MTRR: variants seen among roughly 807,000 people sequenced by gnomAD.
MTRR encodes the protein methionine synthase reductase.
A neutral mutation model predicts 79.2 loss-of-function variants in MTRR; 63 were observed. The observed-to-expected ratio is 0.80, with a 90% CI of 0.65 to 0.98. MTRR has a LOEUF of 0.98. Among genes scored for constraint, MTRR ranks in the 50% least tolerant of loss-of-function variants. The pLI, the probability that MTRR is intolerant of heterozygous loss-of-function variation, is 0.00. For synonymous variants in MTRR, 355 were observed against 313.3 expected, an observed-to-expected ratio of 1.13 and a Z score of -1.41; for missense variants, 895 against 839.6, an observed-to-expected ratio of 1.07 and a Z score of -0.82.
chr5:7,858,007 C>T (rs188418653), intron 1 of MTRR, among the ~76,000 whole-genome samples: 2 of 152,318 alleles, frequency 1.3e-5, no homozygotes, highest in East Asian at 1.9e-4. Flanking sequence ...ATTACCTCTT[C>T]GTGTGGCTGT....
At chr5:7,854,287 T>C (rs1285308260) in intron 1 of MTRR, among the ~76,000 whole-genome samples, 1 of 151,884 alleles carries the variant, frequency 6.6e-6, no homozygotes, top group Non-Finnish European at 1.5e-5. Flanking sequence ...TTAAACATAG[T>C]GTATTAGTGA....
intron 8 of MTRR, among the ~76,000 whole-genome samples, chr5:7,887,115 C>T (rs905692236): frequency 6.6e-6 from 1 of 152,090 alleles, no homozygotes; most frequent in Non-Finnish European, 1.5e-5. Flanking sequence ...GTAGGATTCC[C>T]CCCAACCACC....
rs185473698 is a variant in MTRR at position 7,874,092 on chromosome 5, A to G, written c.283+566A>G. Reference sequence around the variant, plus strand: ...TTTTTAAAAGCTCCCAGGTGATTCTAACATATGTATCCCAGGTTAAGAAAA... The same window carrying G: ...TTTTTAAAAGCTCCCAGGTGATTCTGACATATGTATCCCAGGTTAAGAAAA... On this transcript the variant is annotated intron_variant, in intron 3 of 14. Transcript: ENST00000440940. Among the ~76,000 whole-genome samples, 27 of 152,310 alleles carry G rather than the reference A, an allele frequency of 1.8e-4. 1 individual carries two copies. The highest frequency in any genetic ancestry group is 5.8e-4 in the African/African-American group (24 of 41,562).
At chr5:7,869,900 T>G (rs1239809492) in intron 1 of MTRR, 4 of 214,718 alleles carry the variant, frequency 1.9e-5, no homozygotes, top group Non-Finnish European at 3.2e-5. Context: ...ATTCACTCAT[T>G]CAGATAACTT....
rs1738399141 is a variant in MTRR, at chr5:7,895,754, A to G, written c.1578A>G (p.Thr526=). Reference sequence around the variant, plus strand: ...TTCAGATATCCATCTCTCCTCGAACAACAAATTCTTTCCACTTACCAGATG... The same window carrying G: ...TTCAGATATCCATCTCTCCTCGAACGACAAATTCTTTCCACTTACCAGATG... ...LAPKISISPR[T]TNSFHLPDDP... Residue 526 remains threonine, a synonymous_variant, in exon 12 of 15, where the codon ACA becomes ACG. Transcript: ENST00000440940. 6.2e-7 allele frequency: 1 copy of G among 1,614,090 alleles called. No homozygotes were observed.
At chr5:7,883,380 T>G in intron 6 of MTRR, 103 bp downstream of exon 6, 1 of 1,478,936 alleles carries the variant, frequency 6.8e-7, no homozygotes, top group South Asian at 1.2e-5. Context: ...GCTGCTTGGT[T>G]ACATATGCTG....
chr5:7,890,815 C>T (rs1737413554), intron 9 of MTRR, among the ~76,000 whole-genome samples: 1 of 152,176 alleles, frequency 6.6e-6, no homozygotes, highest in East Asian at 1.9e-4. Context: ...TGAAAGAATA[C>T]CTACGTATTT....
intron 1 of MTRR, among the ~76,000 whole-genome samples, chr5:7,858,223 G>C (rs984333858): frequency 1.3e-5 from 2 of 152,160 alleles, no homozygotes; most frequent in Non-Finnish European, 2.9e-5. Flanking sequence ...CTGCAAGGAG[G>C]TGTGAAAGGG....
At chr5:7,869,503 C>A (rs948697809) in intron 1 of MTRR, 15 of 441,116 alleles carry the variant, frequency 3.4e-5, no homozygotes, top group Non-Finnish European at 4.2e-5. Flanking sequence ...TGGTTCTAGG[C>A]GCTTTCCAGG....
chr5:7,880,254 A>G (rs1255354540), intron 5 of MTRR, among the ~76,000 whole-genome samples: 1 of 152,198 alleles, frequency 6.6e-6, no homozygotes, highest in Non-Finnish European at 1.5e-5. Context: ...GGTGTTCCAC[A>G]TTTATTCAGA....
chr5:7,891,885 A>G (rs1176346645), intron 10 of MTRR, among the ~76,000 whole-genome samples: 1 of 152,076 alleles, frequency 6.6e-6, no homozygotes, highest in Non-Finnish European at 1.5e-5. Flanking sequence ...TACTAAAAAT[A>G]CAAAAAATTA....
chr5:7,892,030 A>G (rs1737691637), intron 10 of MTRR, among the ~76,000 whole-genome samples: 1 of 151,968 alleles, frequency 6.6e-6, no homozygotes, highest in Non-Finnish European at 1.5e-5. Context: ...CGACAGTGAT[A>G]CCCTGTCTCA....
intron 1 of MTRR, chr5:7,861,290 C>T: frequency 7.7e-7 from 1 of 1,304,744 alleles, no homozygotes; most frequent in South Asian, 1.6e-5. Context: ...GAGAAAAATA[C>T]TTAATTTTTT....
upstream of MTRR, among the ~76,000 whole-genome samples, chr5:7,868,824 AATG>A (rs1326254694): frequency 6.6e-6 from 1 of 152,022 alleles, no homozygotes; most frequent in Non-Finnish European, 1.5e-5. Flanking sequence ...TTTTCCTAGG[AATG>A]AAAGGGACCC....
At chr5:7,883,081 C>G in intron 5 of MTRR, 74 bp from the exon 6 acceptor site, 1 of 1,602,656 alleles carries the variant, frequency 6.2e-7, no homozygotes, top group African/African-American at 1.3e-5. Context: ...CCCTGTGGAT[C>G]TTGCGTAGTC....
intron 11 of MTRR, among the ~76,000 whole-genome samples, chr5:7,895,019 C>T (rs574362369): frequency 9.7e-4 from 148 of 152,218 alleles, no homozygotes; most frequent in African/African-American, 3.4e-3. Context: ...TTCCTACAGT[C>T]GTCCTTGAGT....
chr5:7,870,908 TA>T lies in MTRR; in HGVS notation c.115del (p.Ser39ValfsTer8). 6.2e-7 allele frequency: 1 copy of T among 1,614,226 alleles called. No individual in the cohort carries two copies. Among genetic ancestry groups the T allele is most frequent in the Non-Finnish European group, 8.5e-7 (1 of 1,180,026 alleles). ...HGFSADLHCI[S>X]ESDKYDLKTE... ...GATTTTCTGCAGATCTTCACTGTAT[TA>T]GTGAATCCGATAAGGTTAGAGCCGT... On this transcript the variant is annotated frameshift_variant, in exon 2 of 15. Coordinates refer to ENST00000440940, the MANE Select transcript of MTRR (RefSeq NM_002454.3). LOFTEE classifies it high-confidence loss of function.
upstream of MTRR, chr5:7,867,524 A>C (rs772742556): frequency 6.2e-7 from 1 of 1,614,166 alleles, no homozygotes; most frequent in Non-Finnish European, 8.5e-7. Context: ...CACATGCAAC[A>C]GAATCAGAGC....
intron 1 of MTRR, among the ~76,000 whole-genome samples, chr5:7,854,547 A>C (rs750597394): frequency 1.2e-4 from 18 of 152,044 alleles, no homozygotes; most frequent in Middle Eastern, 3.2e-3. Context: ...GATGAAAGGC[A>C]CTCCTTACAT....
Sources: allele counts gnomAD v4.1 joint callset (sites outside exome capture counted in the v4.1 genomes callset), GRCh38; gene constraint gnomAD v4.1.1; transcripts MANE v1.5; gene names NCBI Gene and HGNC (gene_info 2026-07-23, HGNC 2026-07-21).